Variants in AFF4 observed in about 807,000 individuals in gnomAD.
AFF4 encodes the protein ALF transcription elongation factor 4.
AFF4 carries 13 observed loss-of-function variants against 124.8 expected under a neutral mutation model. The observed-to-expected ratio is 0.10, with a 90% CI of 0.07 to 0.17. The LOEUF (loss-of-function observed/expected upper bound fraction) is 0.17. Among genes scored for constraint, AFF4 ranks in the 10% least tolerant of loss-of-function variants. The pLI is 1.00. For missense variants in AFF4, 1,092 were observed against 1,403.8 expected (o/e 0.78, Z 3.55); for synonymous variants, 477 against 496.1 (o/e 0.96, Z 0.51).
At chr5:132,946,619 C>T (rs1356609173) in intron 1 of AFF4, among the ~76,000 whole-genome samples, 1 of 152,056 alleles carries the variant, frequency 6.6e-6, no homozygotes, top group Non-Finnish European at 1.5e-5. Context: ...TATGAGGCAC[C>T]TAGAATAGGC....
At chr5:132,922,778 C>CAA (rs554387527) in intron 5 of AFF4, among the ~76,000 whole-genome samples, 19 of 56,604 alleles carry the variant, frequency 3.4e-4, no homozygotes, top group East Asian at 5.3e-4. Flanking sequence ...GACTCCATCT[C>CAA]AAAAAAAAAA....
chr5:132,901,681 T>C (rs532612491), intron 7 of AFF4, among the ~76,000 whole-genome samples: 2 of 152,270 alleles, frequency 1.3e-5, no homozygotes, highest in Non-Finnish European at 2.9e-5. Flanking sequence ...CTATGTATGT[T>C]ACTTAATCTA....
intron 5 of AFF4, among the ~76,000 whole-genome samples, chr5:132,916,705 T>C (rs991170881): frequency 2.0e-5 from 3 of 152,130 alleles, no homozygotes; most frequent in Non-Finnish European, 2.9e-5. Context: ...TCTCTGTTAT[T>C]GACTTGCTGT....
rs1260745641 is a variant in AFF4, at chr5:132,878,268, G to T, written c.*2791C>A. ...TGCAACCACTGCAATTGGTTCGTTG[G>T]TTGCTTGTAAAGAGTCTAATGGTGT... On this transcript the variant is annotated 3_prime_UTR_variant, in exon 21 of 21. Transcript: ENST00000265343. The T allele has an allele frequency of 1.3e-5, 3 of 230,046 alleles. No homozygotes were observed. Among genetic ancestry groups the T allele is most frequent in the African/African-American group, 4.4e-5 (2 of 45,194 alleles). 14.3% of individuals were successfully genotyped at this position (230,046 alleles called of 1,614,324 possible). A position where few individuals can be genotyped will look rare whatever the true frequency, so the allele number is the denominator to read the frequency against.
At chr5:132,885,248 A>C in intron 18 of AFF4, 129 bp from the exon 19 acceptor site, 3 of 431,126 alleles carry the variant, frequency 7.0e-6, no homozygotes, top group Non-Finnish European at 1.2e-5. Context: ...ACACCAAAAT[A>C]CGTGTGTGTG....
intron 20 of AFF4, among the ~76,000 whole-genome samples, chr5:132,882,505 T>C (rs1411690260): frequency 6.6e-6 from 1 of 152,090 alleles, no homozygotes; most frequent in Non-Finnish European, 1.5e-5. Flanking sequence ...ATGTCCTTGG[T>C]TTGGGAAATA....
intron 5 of AFF4, among the ~76,000 whole-genome samples, chr5:132,911,625 T>C (rs1288031626): frequency 6.6e-6 from 1 of 150,584 alleles, no homozygotes; most frequent in Non-Finnish European, 1.5e-5. Context: ...GGGCCTAATA[T>C]ACATGTAATT....
rs147739240 is a variant in AFF4 at position 132,881,119 on chromosome 5, T to A, written c.3432A>T (p.Leu1144=). The change falls in exon 21 of 21, where the codon CTA becomes CTT. Residue 1144 remains leucine, a synonymous_variant. Transcript: ENST00000265343. ...LIFNASIMTD[L]VRYTRQGLHW... is the part of the protein sequence containing the mutation. The stretch of plus-strand genomic sequence containing the variant: ...GCAGTCCCTGCCGGGTATAACGAAC[T>A]AGATCTGTCATGATGCTTGCATTAA... 47 of 1,614,240 alleles carry A rather than the reference T, an allele frequency of 2.9e-5. No homozygotes were observed. In the African/African-American group the frequency reaches 6.0e-4, roughly 21 times the overall value.
intron 18 of AFF4, 99 bp from the exon 19 acceptor site, chr5:132,885,218 A>C (rs1382128665): frequency 1.2e-6 from 1 of 845,262 alleles, no homozygotes; most frequent in African/African-American, 1.8e-5. Flanking sequence ...GCTCATCGTG[A>C]GCAGCTGTAA....
chr5:132,907,636 G>A (rs897987393), intron 5 of AFF4, among the ~76,000 whole-genome samples: 1 of 152,156 alleles, frequency 6.6e-6, no homozygotes, highest in Non-Finnish European at 1.5e-5. Flanking sequence ...GTGTGTGTGT[G>A]TGTATGATCT....
chr5:132,958,904 C>T (rs182261752), intron 1 of AFF4, among the ~76,000 whole-genome samples: 12 of 152,286 alleles, frequency 7.9e-5, no homozygotes, highest in African/African-American at 2.6e-4. Flanking sequence ...GCAGTCTATT[C>T]ATGTCAGTCC....
At chr5:132,938,779 T>TA (rs1761494195) in intron 1 of AFF4, among the ~76,000 whole-genome samples, 1 of 150,514 alleles carries the variant, frequency 6.6e-6, no homozygotes, top group Non-Finnish European at 1.5e-5. Context: ...CCGTCTCTAC[T>TA]AAAAATACAA....
At position 132,880,152 on chromosome 5, in the gene AFF4, A is replaced by T. The variant is rs1162054335; in HGVS notation, c.*907T>A. Reference sequence around the variant, plus strand: ...GGAGTTGGATCATCCTTTTTTCCACAGTAACTTATTCTGTTTCGATTAAGT... The same window carrying T: ...GGAGTTGGATCATCCTTTTTTCCACTGTAACTTATTCTGTTTCGATTAAGT... On this transcript the variant is annotated 3_prime_UTR_variant, in exon 21 of 21. Transcript: ENST00000265343. 2 of 398,616 alleles carry T rather than the reference A, an allele frequency of 5.0e-6. No homozygotes were observed. The highest frequency in any genetic ancestry group is 7.1e-5 in the East Asian group (2 of 28,052). 24.7% of individuals were successfully genotyped at this position (398,616 alleles called of 1,614,324 possible).
At chr5:132,939,237 G>C (rs931633666) in intron 1 of AFF4, among the ~76,000 whole-genome samples, 2 of 147,050 alleles carry the variant, frequency 1.4e-5, no homozygotes, top group African/African-American at 5.0e-5. Context: ...AAAAAAGAAT[G>C]TTCTAAGTGT....
intron 13 of AFF4, 35 bp from the exon 14 acceptor site, chr5:132,889,208 G>A (rs764796288): frequency 2.8e-5 from 40 of 1,451,142 alleles, no homozygotes; most frequent in South Asian, 2.1e-4. Flanking sequence ...AATGAAAACC[G>A]TAAGGAGATT....
At position 132,894,837 on chromosome 5, in the gene AFF4, CT is replaced by C. The variant is rs573245274; in HGVS notation, c.2307+1485del. On this transcript the variant is annotated intron_variant, in intron 11 of 20. Coordinates refer to ENST00000265343, the MANE Select transcript of AFF4 (RefSeq NM_014423.4). The stretch of plus-strand genomic sequence containing the variant: ...GGTGTGGGGTCGCATGCCTGTAGTC[CT>C]AGCTACTTGGGAGGCTGAGGAGGGA... 3.7e-4 allele frequency among the ~76,000 whole-genome samples: 56 copies of C among 152,138 alleles called. 1 individual carries two copies. The highest frequency in any genetic ancestry group is 1.3e-3 in the African/African-American group (54 of 41,492).
chr5:132,927,223 TAC>T lies in AFF4; in HGVS notation c.964-18_964-17del. 6.2e-7 allele frequency: 1 copy of T among 1,606,554 alleles called. No individual in the cohort carries two copies. Among genetic ancestry groups the T allele is most frequent in the South Asian group, 1.1e-5 (1 of 89,470 alleles). On this transcript the variant is annotated splice_polypyrimidine_tract_variant and intron_variant, in intron 4 of 20. Coordinates refer to ENST00000265343, the MANE Select transcript of AFF4 (RefSeq NM_014423.4). ...GCGTCATCTCCTGAAATGTAATTATTACAGTTTGTTTTCAACCAGGTCAAGGA... is the reference window on the plus strand; with the variant it reads ...GCGTCATCTCCTGAAATGTAATTATTAGTTTGTTTTCAACCAGGTCAAGGA...
At chr5:132,909,729 C>T (rs534052154) in intron 5 of AFF4, among the ~76,000 whole-genome samples, 1 of 152,312 alleles carries the variant, frequency 6.6e-6, no homozygotes, top group South Asian at 2.1e-4. Context: ...TGAAGATATT[C>T]ACAGTTCCAG....
intron 1 of AFF4, among the ~76,000 whole-genome samples, chr5:132,951,590 C>G (rs147559345): frequency 2.6e-5 from 4 of 152,276 alleles, no homozygotes; most frequent in Non-Finnish European, 4.4e-5. Flanking sequence ...TGCAGTGGCA[C>G]GATCTCGGCT....
Sources: allele counts gnomAD v4.1 joint callset (sites outside exome capture counted in the v4.1 genomes callset), GRCh38; gene constraint gnomAD v4.1.1; transcripts MANE v1.5; gene names NCBI Gene and HGNC (gene_info 2026-07-23, HGNC 2026-07-21).